Variants in RYR2 observed in about 807,000 individuals in gnomAD.
RYR2 encodes ryanodine receptor 2, also known as cardiac muscle ryanodine receptor-calcium release channel.
Under a neutral mutation model 601.1 loss-of-function variants are expected in RYR2, and 227 were observed. That is an observed-to-expected ratio of 0.38 (90% CI 0.34 to 0.42). The LOEUF (loss-of-function observed/expected upper bound fraction) is 0.42, where lower values mean the gene tolerates loss of function less well. Among genes scored for constraint, RYR2 ranks in the 10% least tolerant of loss-of-function variants. The probability of loss-of-function intolerance (pLI) is 1.00; values close to 1 mark genes in which losing one functional copy is unlikely to be tolerated. For missense variants in RYR2, 4,646 were observed against 6,156.5 expected, an observed-to-expected ratio of 0.75 and a Z score of 8.21; for synonymous variants, 2,223 against 2,175.1, an observed-to-expected ratio of 1.02 and a Z score of -0.61.
intron 84 of RYR2, among the ~76,000 whole-genome samples, chr1:237,767,905 A>C (rs772391175): frequency 3.2e-4 from 48 of 152,128 alleles, no homozygotes; most frequent in Non-Finnish European, 6.2e-4. Flanking sequence ...AGTCAACTGT[A>C]TAGATTATAG....
At chr1:237,799,327 A>G (rs1036916546) in intron 97 of RYR2, among the ~76,000 whole-genome samples, 1 of 152,134 alleles carries the variant, frequency 6.6e-6, no homozygotes, top group Non-Finnish European at 1.5e-5. Flanking sequence ...TCCCACAAAC[A>G]TTTTCAGATC....
At chr1:237,803,954 T>C (rs1660308864) in intron 98 of RYR2, among the ~76,000 whole-genome samples, 1 of 152,132 alleles carries the variant, frequency 6.6e-6, no homozygotes, top group Non-Finnish European at 1.5e-5. Context: ...TTACAATGAT[T>C]TTAGACAATA....
intron 1 of RYR2, among the ~76,000 whole-genome samples, chr1:237,126,953 C>T (rs1351441713): frequency 6.6e-6 from 1 of 151,772 alleles, no homozygotes; most frequent in Non-Finnish European, 1.5e-5. Context: ...GTTTGTGTCC[C>T]TGGGTACTTG....
chr1:237,280,229 G>T (rs751180559), intron 2 of RYR2, among the ~76,000 whole-genome samples: 1 of 152,028 alleles, frequency 6.6e-6, no homozygotes, highest in Non-Finnish European at 1.5e-5. Context: ...AAAAATGTCG[G>T]TATAAGATAA....
chr1:237,116,640 G>A (rs1304567965), intron 1 of RYR2, among the ~76,000 whole-genome samples: 1 of 152,112 alleles, frequency 6.6e-6, no homozygotes, highest in Non-Finnish European at 1.5e-5. Flanking sequence ...TCTGCCATCT[G>A]CAAGCTGGAG....
chr1:237,677,925 G>T, intron 60 of RYR2, 123 bp from the exon 61 acceptor site: 4 of 640,378 alleles, frequency 6.2e-6, no homozygotes, highest in Admixed American at 2.8e-5. Flanking sequence ...TTTTTGGTTG[G>T]CTTTTTACAT....
chr1:237,456,191 A>G (rs1030153856), intron 15 of RYR2, among the ~76,000 whole-genome samples: 1 of 152,210 alleles, frequency 6.6e-6, no homozygotes, highest in African/African-American at 2.4e-5. Flanking sequence ...GCAAAAATGC[A>G]TTACAGCATT....
chr1:237,295,034 C>T (rs944222053), intron 2 of RYR2, among the ~76,000 whole-genome samples: 4 of 151,986 alleles, frequency 2.6e-5, no homozygotes, highest in Admixed American at 2.6e-4. Flanking sequence ...GGTAACATGG[C>T]AAAACCCCGT....
intron 68 of RYR2, among the ~76,000 whole-genome samples, chr1:237,708,062 G>T (rs1688530071): frequency 6.6e-6 from 1 of 151,528 alleles, no homozygotes; most frequent in African/African-American, 2.4e-5. Flanking sequence ...GATTACAGGT[G>T]TGAGCCACCA....
At chr1:237,044,270 C>T (rs1443218691) in intron 1 of RYR2, among the ~76,000 whole-genome samples, 2 of 151,928 alleles carry the variant, frequency 1.3e-5, no homozygotes, top group African/African-American at 4.8e-5. Context: ...AATACGGTTG[C>T]TGTATAATTT....
rs925961226 is a variant in RYR2 at position 237,106,437 on chromosome 1, A to G, written c.48+63868A>G. Among the ~76,000 whole-genome samples the G allele has an allele frequency of 6.6e-6, 1 of 152,110 alleles. No homozygotes were observed. The highest frequency in any genetic ancestry group is 1.5e-5 in the Non-Finnish European group (1 of 68,030). The stretch of plus-strand genomic sequence containing the variant: ...GATGAGGGTTGAGAGAGAGAAGGGG[A>G]GTCCGGATCATCCCAAGGTTTCTGG... On this transcript the variant is annotated intron_variant, in intron 1 of 104. Transcript: ENST00000366574. This position sits in a 1 kb window ranked among gnomAD's most constrained non-coding sequence, Gnocchi z 4.4.
chr1:237,809,584 TA>T (rs1215798635), intron 100 of RYR2, among the ~76,000 whole-genome samples: 1 of 152,088 alleles, frequency 6.6e-6, no homozygotes, highest in African/African-American at 2.4e-5. Flanking sequence ...AGCTGAGAGG[TA>T]ATCATACATG....
At chr1:237,499,762 T>C (rs967153029) in intron 20 of RYR2, among the ~76,000 whole-genome samples, 15 of 152,340 alleles carry the variant, frequency 9.8e-5, no homozygotes, top group African/African-American at 3.6e-4. Flanking sequence ...AAAAGAATTA[T>C]TAAAAATACA....
At chr1:237,051,458 C>T (rs1156781428) in intron 1 of RYR2, among the ~76,000 whole-genome samples, 1 of 150,610 alleles carries the variant, frequency 6.6e-6, no homozygotes, top group Admixed American at 6.7e-5. Flanking sequence ...CATTCAGGAA[C>T]AATGGTGTCC....
At chr1:237,263,752 T>C (rs993476189) in intron 1 of RYR2, among the ~76,000 whole-genome samples, 1 of 152,204 alleles carries the variant, frequency 6.6e-6, no homozygotes, top group African/African-American at 2.4e-5. Flanking sequence ...ATCTATTTAA[T>C]AGATATTTTT....
intron 1 of RYR2, among the ~76,000 whole-genome samples, chr1:237,242,914 G>A (rs191187335): frequency 3.8e-4 from 58 of 152,262 alleles, no homozygotes; most frequent in African/African-American, 1.3e-3. Context: ...ATGTGTTATT[G>A]ACTCACATAA....
At chr1:237,585,269 C>G (rs894680670) in intron 29 of RYR2, among the ~76,000 whole-genome samples, 14 of 152,136 alleles carry the variant, frequency 9.2e-5, no homozygotes, top group African/African-American at 3.1e-4. Flanking sequence ...CACTTAGTAG[C>G]TGTGAGGGCA....
intron 33 of RYR2, among the ~76,000 whole-genome samples, chr1:237,595,159 G>A (rs1675749884): frequency 6.6e-6 from 1 of 151,968 alleles, no homozygotes; most frequent in Admixed American, 6.6e-5. Flanking sequence ...TACAAATTTG[G>A]ATGATTTTTA....
chr1:237,534,109 A>G (rs2147968091), intron 25 of RYR2, among the ~76,000 whole-genome samples: 1 of 152,234 alleles, frequency 6.6e-6, no homozygotes, highest in East Asian at 1.9e-4. Context: ...TTTAGAACAT[A>G]GAAAAGTTGA....
Sources: gnomAD v4.1 joint callset for allele counts (sites outside exome capture counted in the v4.1 genomes callset) on GRCh38, gnomAD v4.1.1 for gene constraint, Gnocchi (gnomAD v3.1) non-coding constraint, MANE v1.5 for transcripts, NCBI Gene and HGNC (gene_info 2026-07-23, HGNC 2026-07-21) for gene names.